The following RBFOX1 variants were observed in gnomAD, a reference collection of about 807,000 sequenced individuals.
RBFOX1 encodes the protein RNA binding protein fox-1 homolog 1.
RBFOX1 carries 8 observed loss-of-function variants against 57.7 expected under a neutral mutation model. The ratio of observed to expected loss-of-function variants is 0.14; its 90% CI spans 0.08 to 0.25. The LOEUF is 0.25. RBFOX1 is among the 10% of genes least tolerant of loss of function. The pLI is 1.00. For missense variants in RBFOX1, 611 were observed against 548.5 expected (o/e 1.11, Z -1.14); for synonymous variants, 326 against 222.4 (o/e 1.47, Z -4.15).
At chr16:7,624,534 C>A (rs79933884) in intron 10 of RBFOX1, among the ~76,000 whole-genome samples, 3,099 of 152,252 alleles carry the variant, frequency 0.02, 99 homozygotes, top group African/African-American at 0.071. Context: ...AGATGTACCC[C>A]AAAGCCCAGC....
At chr16:7,185,248 A>T (rs1013832682) in intron 4 of RBFOX1, among the ~76,000 whole-genome samples, 2 of 152,186 alleles carry the variant, frequency 1.3e-5, no homozygotes, top group African/African-American at 4.8e-5. Flanking sequence ...AATTAATTCT[A>T]AAGAAAGCAA....
At chr16:6,827,157 C>G (rs940313054) in intron 3 of RBFOX1, among the ~76,000 whole-genome samples, 5 of 151,560 alleles carry the variant, frequency 3.3e-5, no homozygotes, top group Admixed American at 2.0e-4. Flanking sequence ...AAAGAGGACA[C>G]TATTTTTTAC....
At chr16:5,346,587 A>G (rs912793921) in intron 1 of RBFOX1, among the ~76,000 whole-genome samples, 1 of 152,058 alleles carries the variant, frequency 6.6e-6, no homozygotes, top group African/African-American at 2.4e-5. Flanking sequence ...TGGATTTGTC[A>G]TTTGCTTTTT....
chr16:5,953,088 C>G (rs2059553386), intron 4 of RBFOX1, among the ~76,000 whole-genome samples: 1 of 121,464 alleles, frequency 8.2e-6, no homozygotes, highest in Non-Finnish European at 1.6e-5. Context: ...AGCTCTGCCT[C>G]TGTAGATTCT....
At chr16:5,960,366 G>A (rs145191862) in intron 4 of RBFOX1, among the ~76,000 whole-genome samples, 2,970 of 152,272 alleles carry the variant, frequency 0.02, 45 homozygotes, top group Non-Finnish European at 0.03. Context: ...CGGAGTGGAA[G>A]AAGGTGACCC....
At chr16:7,052,413 C>T (rs746882670) in intron 4 of RBFOX1, among the ~76,000 whole-genome samples, 1 of 152,114 alleles carries the variant, frequency 6.6e-6, no homozygotes, top group African/African-American at 2.4e-5. Flanking sequence ...TAACAAAGGT[C>T]AAAAGGATGG....
chr16:5,330,793 G>C lies in RBFOX1; in HGVS notation c.219+90688G>C, dbSNP rs371693277. Among the ~76,000 whole-genome samples, 8 of 151,930 alleles carry C rather than the reference G, an allele frequency of 5.3e-5. No individual in the cohort carries two copies. The East Asian group carries it at 1.5e-3, about 29-fold the overall frequency. On this transcript the variant is annotated intron_variant, in intron 1 of 2. Transcript: ENST00000585867. ...AGGATGTTAAAAGAGCACTGTTTCA[G>C]GAATGATGTGGAGAGGAAAAGTCCC...
chr16:6,162,633 G>A (rs1394680505), intron 1 of RBFOX1, among the ~76,000 whole-genome samples: 2 of 152,182 alleles, frequency 1.3e-5, no homozygotes, highest in African/African-American at 2.4e-5. Context: ...AACAACTCAA[G>A]GGAGACATTT....
At chr16:5,746,920 A>G (rs980097119) in intron 3 of RBFOX1, among the ~76,000 whole-genome samples, 1 of 152,216 alleles carries the variant, frequency 6.6e-6, no homozygotes, top group Non-Finnish European at 1.5e-5. Flanking sequence ...TCCTAATTGA[A>G]TACCCTTTAT....
intron 1 of RBFOX1, among the ~76,000 whole-genome samples, chr16:5,307,335 G>A (rs1047674579): frequency 6.6e-6 from 1 of 152,106 alleles, no homozygotes; most frequent in African/African-American, 2.4e-5. Flanking sequence ...ACACCCACCT[G>A]CCCAGTATTT....
chr16:7,205,923 C>G (rs968151626), intron 4 of RBFOX1, among the ~76,000 whole-genome samples: 6 of 152,228 alleles, frequency 3.9e-5, no homozygotes, highest in African/African-American at 1.2e-4. Flanking sequence ...GGTGTTTATG[C>G]TAGAATACAG....
intron 2 of RBFOX1, among the ~76,000 whole-genome samples, chr16:6,348,531 A>T (rs568988325): frequency 6.6e-6 from 1 of 152,288 alleles, no homozygotes; most frequent in East Asian, 1.9e-4. Context: ...GGGGTAATTT[A>T]TAAAGAAATG....
chr16:7,351,698 T>C (rs1479235957), intron 4 of RBFOX1, among the ~76,000 whole-genome samples: 3 of 152,192 alleles, frequency 2.0e-5, no homozygotes, highest in Admixed American at 2.0e-4. Flanking sequence ...AGACACCTGG[T>C]ACTTTACTCT....
At chr16:7,168,725 C>G (rs538060206) in intron 4 of RBFOX1, among the ~76,000 whole-genome samples, 31 of 152,238 alleles carry the variant, frequency 2.0e-4, no homozygotes, top group African/African-American at 7.2e-4. Context: ...ACTCTTCAGT[C>G]CCTAAAAATA....
At chr16:7,535,456 G>C (rs2081257390) in intron 5 of RBFOX1, among the ~76,000 whole-genome samples, 1 of 152,196 alleles carries the variant, frequency 6.6e-6, no homozygotes, top group African/African-American at 2.4e-5. Flanking sequence ...TGATACCTCA[G>C]CATAGTTTGA....
At chr16:7,675,178 G>T (rs1020055804) in intron 13 of RBFOX1, among the ~76,000 whole-genome samples, 1 of 152,110 alleles carries the variant, frequency 6.6e-6, no homozygotes, top group Non-Finnish European at 1.5e-5. Context: ...CCAAGAAGAT[G>T]AACAAGCTAT....
In RBFOX1 at chr16:6,491,819, G is replaced by T. The variant is rs11859292; in HGVS notation, c.-63-162784G>T. Among the ~76,000 whole-genome samples the T allele has an allele frequency of 2.0e-5, 3 of 151,994 alleles. No homozygotes were observed. In the South Asian group the frequency reaches 6.2e-4, roughly 32 times the overall value. On this transcript the variant is annotated intron_variant, in intron 2 of 15. Transcript: ENST00000550418. ...TTGAGGCTTCGAAGTCCCTTTCCCCGTTTTTTTGGCCCAAAGCTATATCAA... is the reference window on the plus strand; with the variant it reads ...TTGAGGCTTCGAAGTCCCTTTCCCCTTTTTTTTGGCCCAAAGCTATATCAA...
In RBFOX1 at chr16:6,621,730, C is replaced by G. The variant is rs950459332; in HGVS notation, c.-63-32873C>G. ...GCTAATGCTCGTTAGCTCTGATCAC[C>G]TGGCCTGACTCACAGATCAACCTTT... On this transcript the variant is annotated intron_variant, in intron 2 of 15. Coordinates refer to ENST00000550418, the MANE Select transcript of RBFOX1 (RefSeq NM_018723.4). 3.9e-5 allele frequency among the ~76,000 whole-genome samples: 6 copies of G among 152,160 alleles called. No homozygotes were observed. The South Asian group carries it at 1.2e-3, about 32-fold the overall frequency.
At chr16:7,003,223 G>A (rs1290730953) in intron 3 of RBFOX1, among the ~76,000 whole-genome samples, 1 of 152,088 alleles carries the variant, frequency 6.6e-6, no homozygotes, top group African/African-American at 2.4e-5. Flanking sequence ...CACTTTGGGA[G>A]GCCGAGGTGG....
Sources: gnomAD v4.1 joint callset for allele counts (sites outside exome capture counted in the v4.1 genomes callset) on GRCh38, gnomAD v4.1.1 for gene constraint, MANE v1.5 for transcripts, NCBI Gene and HGNC (gene_info 2026-07-23, HGNC 2026-07-21) for gene names.